KIT: variants seen among roughly 807,000 people sequenced by gnomAD.
KIT encodes the protein mast/stem cell growth factor receptor Kit.
In KIT, 16 loss-of-function variants were observed where a neutral mutation model predicts 105.7. The observed-to-expected ratio is 0.15, with a 90% CI of 0.10 to 0.23. KIT has a LOEUF of 0.23. Ranked by LOEUF, KIT falls within the 10% of genes least tolerant of loss-of-function variation. The pLI is 1.00. For synonymous variants in KIT, 438 were observed against 441.1 expected, an observed-to-expected ratio of 0.99 and a Z score of 0.09; for missense variants, 858 against 1,213.8, an observed-to-expected ratio of 0.71 and a Z score of 4.36.
chr4:54,717,660 G>A (rs1442415355), intron 7 of KIT, among the ~76,000 whole-genome samples: 2 of 152,074 alleles, frequency 1.3e-5, no homozygotes, highest in African/African-American at 4.8e-5. Context: ...CATCAAATTA[G>A]CTTCCTTCAT....
intron 1 of KIT, among the ~76,000 whole-genome samples, chr4:54,664,392 G>A (rs1717529101): frequency 6.6e-6 from 1 of 152,020 alleles, no homozygotes; most frequent in African/African-American, 2.4e-5. Context: ...AGGCTAAGGT[G>A]GACTTGACCC....
intron 7 of KIT, among the ~76,000 whole-genome samples, chr4:54,711,599 A>G (rs1721162562): frequency 6.6e-6 from 1 of 152,340 alleles, no homozygotes; most frequent in African/African-American, 2.4e-5. Context: ...AAGTATCTCT[A>G]GATTAATTTC....
chr4:54,699,857 G>T (rs1015920599), intron 4 of KIT, 91 bp downstream of exon 4: 4 of 1,383,582 alleles, frequency 2.9e-6, no homozygotes, highest in African/African-American at 1.4e-5. Flanking sequence ...AAACTGCCTC[G>T]ACTAGTGCGT....
chr4:54,702,976 ACTTT>A (rs1351749656), intron 4 of KIT, among the ~76,000 whole-genome samples: 2 of 152,122 alleles, frequency 1.3e-5, no homozygotes, highest in Non-Finnish European at 2.9e-5. Context: ...GCTATATTAG[ACTTT>A]CTTTAATCTT....
intron 5 of KIT, among the ~76,000 whole-genome samples, chr4:54,704,621 G>A (rs1283182289): frequency 6.6e-6 from 1 of 152,096 alleles, no homozygotes; most frequent in African/African-American, 2.4e-5. Context: ...AGCATAGTGA[G>A]TTTCTTCATG....
intron 17 of KIT, 113 bp downstream of exon 17, chr4:54,733,305 C>T: frequency 1.6e-6 from 2 of 1,230,430 alleles, no homozygotes; most frequent in South Asian, 2.4e-5. Context: ...GGATATCACA[C>T]ATTTTAGCAG....
At chr4:54,735,388 A>G (rs554233193) in intron 17 of KIT, among the ~76,000 whole-genome samples, 16 of 121,906 alleles carry the variant, frequency 1.3e-4, no homozygotes, top group African/African-American at 4.8e-4. Flanking sequence ...AGAAAAAAAA[A>G]AAAAGCTTTC....
chr4:54,700,951 T>C (rs756283413), intron 4 of KIT, among the ~76,000 whole-genome samples: 85 of 152,354 alleles, frequency 5.6e-4, no homozygotes, highest in Non-Finnish European at 1.1e-3. Context: ...TATGTATGGA[T>C]TTTTGGCTAA....
At chr4:54,737,445 C>T (rs952597324) in intron 20 of KIT, among the ~76,000 whole-genome samples, 165 bp downstream of exon 20, 29 of 152,160 alleles carry the variant, frequency 1.9e-4, no homozygotes, top group African/African-American at 5.3e-4. Flanking sequence ...GAAACTAGTT[C>T]TTTCTGCCCA....
chr4:54,714,255 A>G (rs1191904573), intron 7 of KIT, among the ~76,000 whole-genome samples: 2 of 152,048 alleles, frequency 1.3e-5, no homozygotes, highest in Non-Finnish European at 2.9e-5. Context: ...CCTTTCCAAA[A>G]CTCTTGGAAA....
chr4:54,729,003 A>G (rs1166448608), intron 13 of KIT, among the ~76,000 whole-genome samples: 1 of 152,096 alleles, frequency 6.6e-6, no homozygotes, highest in Non-Finnish European at 1.5e-5. Flanking sequence ...TGTAAACAGA[A>G]GTGAACCAGA....
intron 1 of KIT, among the ~76,000 whole-genome samples, chr4:54,690,689 T>C (rs1045880077): frequency 4.6e-5 from 7 of 152,260 alleles, no homozygotes; most frequent in Admixed American, 3.9e-4. Flanking sequence ...AACAAACATT[T>C]GTTAAGAACT....
At position 54,727,401 on chromosome 4, in the gene KIT, C is replaced by T. The variant is rs377176204; in HGVS notation, c.1648-15C>T. On this transcript the variant is annotated splice_polypyrimidine_tract_variant and intron_variant, in intron 10 of 20. Coordinates refer to ENST00000288135, the MANE Select transcript of KIT (RefSeq NM_000222.3). The stretch of plus-strand genomic sequence containing the variant: ...ATTATTAAAAGGTGATCTATTTTTC[C>T]CTTTCTCCCCACAGAAACCCATGTA... 2.5e-6 allele frequency: 4 copies of T among 1,613,974 alleles called. No individual in the cohort carries two copies. In the Admixed American group the frequency reaches 6.7e-5, roughly 27 times the overall value.
chr4:54,661,074 C>T (rs1228785677), intron 1 of KIT, among the ~76,000 whole-genome samples: 1 of 152,102 alleles, frequency 6.6e-6, no homozygotes, highest in African/African-American at 2.4e-5. Flanking sequence ...TTCCAGTTAG[C>T]GTCCCTCAGA....
chr4:54,679,400 A>G (rs191400537), intron 1 of KIT, among the ~76,000 whole-genome samples: 2 of 152,286 alleles, frequency 1.3e-5, no homozygotes, highest in Admixed American at 6.5e-5. Flanking sequence ...TTTTCTAGCA[A>G]TGGCCTCAGA....
intron 1 of KIT, among the ~76,000 whole-genome samples, chr4:54,686,819 A>G (rs1719341328): frequency 6.6e-6 from 1 of 152,226 alleles, no homozygotes; most frequent in African/African-American, 2.4e-5. Flanking sequence ...TGCTAAGATT[A>G]CAGGTGTCAG....
chr4:54,727,390 A>G (rs1309849849), intron 10 of KIT, 26 bp from the exon 11 acceptor site: 1 of 1,614,134 alleles, frequency 6.2e-7, no homozygotes. Flanking sequence ...TTAAAAGGTG[A>G]TCTATTTTTC....
chr4:54,671,176 A>T (rs1718084260), intron 1 of KIT, among the ~76,000 whole-genome samples: 1 of 152,160 alleles, frequency 6.6e-6, no homozygotes, highest in South Asian at 2.1e-4. Flanking sequence ...TGAAATGATA[A>T]GCTCTCCAGT....
At chr4:54,671,158 C>G (rs1718081960) in intron 1 of KIT, among the ~76,000 whole-genome samples, 1 of 152,168 alleles carries the variant, frequency 6.6e-6, no homozygotes, top group Non-Finnish European at 1.5e-5. Context: ...TGGCCTTTCA[C>G]AGTTCCATGA....
Sources: allele counts gnomAD v4.1 joint callset (sites outside exome capture counted in the v4.1 genomes callset), GRCh38; gene constraint gnomAD v4.1.1; transcripts MANE v1.5; gene names NCBI Gene and HGNC (gene_info 2026-07-23, HGNC 2026-07-21).